THEMIS: variants seen among roughly 807,000 people sequenced by gnomAD.
THEMIS encodes the protein thymocyte selection associated, also known as protein THEMIS.
Under a neutral mutation model 52.6 loss-of-function variants are expected in THEMIS, and 37 were observed. The ratio of observed to expected loss-of-function variants is 0.70; its 90% CI spans 0.54 to 0.93. The LOEUF (loss-of-function observed/expected upper bound fraction) is 0.93. THEMIS is among the 40% of genes least tolerant of loss of function. The probability of loss-of-function intolerance (pLI) is 0.00; values close to 1 mark genes in which losing one functional copy is unlikely to be tolerated. For synonymous variants in THEMIS, 292 were observed against 272.7 expected (o/e 1.07, Z -0.70); for missense variants, 808 against 763.1 (o/e 1.06, Z -0.69).
intron 4 of THEMIS, among the ~76,000 whole-genome samples, chr6:127,803,771 T>A (rs999315381): frequency 6.6e-6 from 1 of 152,186 alleles, no homozygotes; most frequent in Non-Finnish European, 1.5e-5. Context: ...CTAAGCATGA[T>A]AAGCCTACAT....
Position 127,813,585 on chromosome 6 carries a change from G to A in THEMIS, c.1056C>T (p.Ala352=), listed in dbSNP as rs1488576765. ...CACTCTTAGCGATCTCTAGGTCATA[G>A]GCCGTTGGGAACTCCCTCGGTCGCC... The part of the protein sequence containing the change: ...FKRRPREFPT[A]YDLEIAKSEK... The change falls in exon 4 of 6, where the codon GCC becomes GCT. Residue 352 remains alanine (A), a synonymous_variant. Coordinates refer to ENST00000368248, the MANE Select transcript of THEMIS (RefSeq NM_001010923.3). 1 of 1,614,062 alleles carries A rather than the reference G, an allele frequency of 6.2e-7. No individual in the cohort carries two copies. The highest frequency in any genetic ancestry group is 8.5e-7 in the Non-Finnish European group (1 of 1,179,994).
At chr6:127,895,484 G>C (rs1483907715) in intron 1 of THEMIS, among the ~76,000 whole-genome samples, 2 of 151,430 alleles carry the variant, frequency 1.3e-5, no homozygotes, top group Non-Finnish European at 3.0e-5. Context: ...CTTCACTTCA[G>C]AGACAATCAA....
intron 1 of THEMIS, among the ~76,000 whole-genome samples, chr6:127,913,573 C>A (rs1781457870): frequency 6.6e-6 from 1 of 152,200 alleles, no homozygotes; most frequent in Admixed American, 6.5e-5. Context: ...ACCTTCTCCT[C>A]CCCAAGATGA....
rs1410046390 is a variant in THEMIS at position 127,915,606 on chromosome 6, GA to G, written c.-150+2821del. 2.3e-3 allele frequency among the ~76,000 whole-genome samples: 342 copies of G among 151,652 alleles called. 2 individuals carry two copies. The Middle Eastern group carries it at 0.024, about 11-fold the overall frequency. ...AGAGAAAGAGAGAGAGAGAGAGAGA[GA>G]GAGAGAGAGAGAACTTGAGCTACAC... On this transcript the variant is annotated intron_variant, in intron 1 of 6. Transcript: ENST00000368250.
chr6:127,719,635 C>T (rs1303137011), intron 5 of THEMIS, 53 bp downstream of exon 5: 4 of 1,517,614 alleles, frequency 2.6e-6, no homozygotes, highest in Non-Finnish European at 3.6e-6. Context: ...GCACCTTTGT[C>T]ATGTGGACAG....
At chr6:127,840,481 C>A (rs1205423384) in intron 2 of THEMIS, among the ~76,000 whole-genome samples, 1 of 152,036 alleles carries the variant, frequency 6.6e-6, no homozygotes, top group Non-Finnish European at 1.5e-5. Flanking sequence ...AATATTAATG[C>A]TAGATGAGTC....
At chr6:127,853,992 T>C (rs1259572223) in intron 2 of THEMIS, among the ~76,000 whole-genome samples, 1 of 151,722 alleles carries the variant, frequency 6.6e-6, no homozygotes, top group South Asian at 2.1e-4. Flanking sequence ...CATCAAACCA[T>C]GAAACACATC....
At chr6:127,903,905 A>T (rs927799583), upstream of THEMIS, among the ~76,000 whole-genome samples, 20 of 152,152 alleles carry the variant, frequency 1.3e-4, no homozygotes, top group South Asian at 4.1e-4. Context: ...TATACTTTTT[A>T]AAAAAGCTGT....
chr6:127,909,191 T>C (rs1428765050), intron 1 of THEMIS, among the ~76,000 whole-genome samples: 2 of 152,126 alleles, frequency 1.3e-5, no homozygotes. Context: ...CTGACAAATG[T>C]ATACATGAAA....
chr6:127,881,126 C>G (rs1780473315), intron 1 of THEMIS, among the ~76,000 whole-genome samples: 3 of 152,076 alleles, frequency 2.0e-5, no homozygotes, highest in Non-Finnish European at 4.4e-5. Flanking sequence ...TTTCCCATCT[C>G]AACACTTATT....
Position 127,849,270 on chromosome 6 carries a change from G to T in THEMIS, c.250+5760C>A, listed in dbSNP as rs555215847. ...GCATTATTTCTGAAGGCTCTGTTCC[G>T]TTCCATTGGTCTATATCACTGTTTT... is the stretch of plus-strand genomic sequence containing the variant. On this transcript the variant is annotated intron_variant, in intron 2 of 5. Transcript: ENST00000368248. Among the ~76,000 whole-genome samples, 6 of 152,010 alleles carry T rather than the reference G, an allele frequency of 3.9e-5. No individual in the cohort carries two copies. In the South Asian group the frequency reaches 1.2e-3, roughly 32 times the overall value.
At chr6:127,767,936 G>A (rs1776255971) in intron 4 of THEMIS, among the ~76,000 whole-genome samples, 1 of 152,136 alleles carries the variant, frequency 6.6e-6, no homozygotes, top group Non-Finnish European at 1.5e-5. Flanking sequence ...TGAGACCACT[G>A]TATATATGTG....
intron 4 of THEMIS, among the ~76,000 whole-genome samples, chr6:127,786,522 T>C (rs945719298): frequency 1.3e-5 from 2 of 152,232 alleles, no homozygotes; most frequent in East Asian, 3.8e-4. Flanking sequence ...CAGTGTTGGT[T>C]GAGTATTCAT....
At chr6:127,800,839 C>T (rs1362479592) in intron 4 of THEMIS, among the ~76,000 whole-genome samples, 1 of 152,196 alleles carries the variant, frequency 6.6e-6, no homozygotes, top group Non-Finnish European at 1.5e-5. Flanking sequence ...GACTGGCTCT[C>T]CTTGCTCCTC....
At chr6:127,811,908 T>C (rs947748618) in intron 4 of THEMIS, among the ~76,000 whole-genome samples, 1 of 152,246 alleles carries the variant, frequency 6.6e-6, no homozygotes, top group Non-Finnish European at 1.5e-5. Context: ...AGATCCTTAC[T>C]GGATTTCCCT....
At chr6:127,915,920 G>C (rs1781515867) in intron 1 of THEMIS, among the ~76,000 whole-genome samples, 1 of 152,176 alleles carries the variant, frequency 6.6e-6, no homozygotes, top group South Asian at 2.1e-4. Context: ...TCAGGAGGCA[G>C]AGGTTGCAGT....
At chr6:127,759,231 A>T (rs1583241929) in intron 4 of THEMIS, among the ~76,000 whole-genome samples, 1 of 152,198 alleles carries the variant, frequency 6.6e-6, no homozygotes, top group East Asian at 1.9e-4. Flanking sequence ...AGAACACAGC[A>T]CAATGCTCTC....
intron 4 of THEMIS, among the ~76,000 whole-genome samples, chr6:127,798,986 C>T (rs1215800173): frequency 3.9e-5 from 5 of 128,514 alleles, no homozygotes; most frequent in Non-Finnish European, 7.9e-5. Flanking sequence ...AGCGAGACTC[C>T]GTCTCAAAAA....
chr6:127,774,421 G>A (rs1208021801), intron 4 of THEMIS, among the ~76,000 whole-genome samples: 2 of 152,116 alleles, frequency 1.3e-5, no homozygotes, highest in Admixed American at 6.5e-5. Context: ...TAGCCAGGAT[G>A]GTCTCGATCT....
Sources: allele counts gnomAD v4.1 joint callset (sites outside exome capture counted in the v4.1 genomes callset), GRCh38; gene constraint gnomAD v4.1.1; transcripts MANE v1.5; gene names NCBI Gene and HGNC (gene_info 2026-07-23, HGNC 2026-07-21).